The following GALNT13 variants were observed in gnomAD, a reference collection of about 807,000 sequenced individuals.
GALNT13 encodes the protein polypeptide N-acetylgalactosaminyltransferase 13.
In GALNT13, 28 loss-of-function variants were observed where a neutral mutation model predicts 64.2. The ratio of observed to expected loss-of-function variants is 0.44; its 90% CI spans 0.32 to 0.60. The LOEUF (loss-of-function observed/expected upper bound fraction) is 0.60. Ranked by LOEUF, GALNT13 falls within the 20% of genes least tolerant of loss-of-function variation. GALNT13 has a pLI of 0.05. For synonymous variants in GALNT13, 214 were observed against 224.6 expected (o/e 0.95, Z 0.42); for missense variants, 577 against 669.8 (o/e 0.86, Z 1.53).
the GALNT13 span, among the ~76,000 whole-genome samples, chr2:153,673,916 A>G: frequency 4.6e-5 from 7 of 152,072 alleles, no homozygotes; most frequent in Non-Finnish European, 7.4e-5. Flanking sequence ...GTAACAGACA[A>G]ACAGAGCCAA....
chr2:153,279,757 T>C, the GALNT13 span, among the ~76,000 whole-genome samples: 1 of 152,166 alleles, frequency 6.6e-6, no homozygotes, highest in African/African-American at 2.4e-5. Flanking sequence ...TGGATTCAGT[T>C]TGCTAGCATT....
intron 4 of GALNT13, among the ~76,000 whole-genome samples, chr2:154,196,508 C>A (rs1686886969): frequency 6.6e-6 from 1 of 152,112 alleles, no homozygotes; most frequent in Non-Finnish European, 1.5e-5. Context: ...AAATAATTAG[C>A]TATTCATAGA....
At chr2:153,072,515 A>G in the GALNT13 span, among the ~76,000 whole-genome samples, 1 of 152,212 alleles carries the variant, frequency 6.6e-6, no homozygotes, top group Admixed American at 6.5e-5. Context: ...GGGAAGCGGT[A>G]CTTCTCCCTA....
chr2:154,117,171 G>T (rs1021593456), intron 3 of GALNT13, among the ~76,000 whole-genome samples: 1 of 151,810 alleles, frequency 6.6e-6, no homozygotes, highest in Non-Finnish European at 1.5e-5. Flanking sequence ...ATTAAGTTTG[G>T]TTCACCTTTC....
intron 11 of GALNT13, among the ~76,000 whole-genome samples, chr2:154,432,010 C>A (rs1257193774): frequency 6.6e-6 from 1 of 152,022 alleles, no homozygotes; most frequent in Non-Finnish European, 1.5e-5. Context: ...AAAACATCAT[C>A]TATGAAAAGA....
At chr2:153,378,768 G>A in the GALNT13 span, among the ~76,000 whole-genome samples, 2 of 152,122 alleles carry the variant, frequency 1.3e-5, no homozygotes, top group African/African-American at 4.8e-5. Flanking sequence ...ATATGGGACA[G>A]TTTTTTTCTC....
At chr2:154,285,455 A>G (rs1014590812) in intron 8 of GALNT13, among the ~76,000 whole-genome samples, 3 of 152,106 alleles carry the variant, frequency 2.0e-5, no homozygotes, top group Admixed American at 6.5e-5. Context: ...AGTTTTCCCA[A>G]TGTCACATAT....
chr2:153,742,539 A>G, the GALNT13 span, among the ~76,000 whole-genome samples: 5 of 152,108 alleles, frequency 3.3e-5, no homozygotes, highest in Non-Finnish European at 7.4e-5. Context: ...AATAGTAAAC[A>G]TTGTACCCAA....
chr2:153,585,628 T>C, the GALNT13 span, among the ~76,000 whole-genome samples: 1 of 152,148 alleles, frequency 6.6e-6, no homozygotes, highest in Non-Finnish European at 1.5e-5. Flanking sequence ...CAGTATATCA[T>C]AATCAGACTG....
chr2:153,741,993 A>T, the GALNT13 span, among the ~76,000 whole-genome samples: 1 of 152,152 alleles, frequency 6.6e-6, no homozygotes, highest in African/African-American at 2.4e-5. Flanking sequence ...GAACATTTGA[A>T]ATTTGTTCTC....
chr2:153,978,676 T>A (rs1274013358), intron 3 of GALNT13, among the ~76,000 whole-genome samples: 1 of 152,220 alleles, frequency 6.6e-6, no homozygotes, highest in Admixed American at 6.5e-5. Context: ...TCCCCAGTCA[T>A]GTGGAACTTG....
the GALNT13 span, among the ~76,000 whole-genome samples, chr2:153,575,374 A>G: frequency 6.6e-6 from 1 of 152,154 alleles, no homozygotes; most frequent in East Asian, 1.9e-4. Context: ...CGCCTTGACT[A>G]CTACCTATGT....
chr2:153,694,848 A>G, the GALNT13 span, among the ~76,000 whole-genome samples: 1 of 152,222 alleles, frequency 6.6e-6, no homozygotes, highest in African/African-American at 2.4e-5. Flanking sequence ...TTTAAAATGT[A>G]TGTTTTAAAA....
intron 4 of GALNT13, among the ~76,000 whole-genome samples, chr2:154,235,364 A>G (rs1689139313): frequency 6.6e-6 from 1 of 152,174 alleles, no homozygotes. Context: ...CAACACACAG[A>G]AACCCATGCA....
At chr2:153,256,570 GCT>G in the GALNT13 span, among the ~76,000 whole-genome samples, 4 of 152,156 alleles carry the variant, frequency 2.6e-5, no homozygotes, top group Non-Finnish European at 4.4e-5. Context: ...CAGTTTTTCT[GCT>G]CTGTTTTTTC....
chr2:153,640,632 A>T, the GALNT13 span, among the ~76,000 whole-genome samples: 2 of 152,030 alleles, frequency 1.3e-5, no homozygotes, highest in Non-Finnish European at 2.9e-5. Context: ...AAAATTAAAA[A>T]TTAGCTGAGT....
chr2:154,034,068 A>G (rs914406739), intron 3 of GALNT13, among the ~76,000 whole-genome samples: 12 of 152,182 alleles, frequency 7.9e-5, no homozygotes, highest in Non-Finnish European at 1.3e-4. Flanking sequence ...ACGGTTTGGT[A>G]GTTTCTTATA....
At chr2:154,093,056 C>A (rs1364638200) in intron 3 of GALNT13, among the ~76,000 whole-genome samples, 1 of 151,858 alleles carries the variant, frequency 6.6e-6, no homozygotes, top group Non-Finnish European at 1.5e-5. Context: ...AAGTGAAATA[C>A]TCAAAAGATT....
the GALNT13 span, among the ~76,000 whole-genome samples, chr2:153,511,790 T>C: frequency 6.6e-6 from 1 of 152,174 alleles, no homozygotes; most frequent in African/African-American, 2.4e-5. Context: ...AGTATTTATA[T>C]TGATAAACCA....
Sources: allele counts gnomAD v4.1 joint callset (sites outside exome capture counted in the v4.1 genomes callset), GRCh38; gene constraint gnomAD v4.1.1; transcripts MANE v1.5; gene names NCBI Gene and HGNC (gene_info 2026-07-23, HGNC 2026-07-21).